The following CTNNA2 variants were observed in gnomAD, a reference collection of about 807,000 sequenced individuals.
CTNNA2 encodes catenin alpha 2.
In CTNNA2, 42 loss-of-function variants were observed where a neutral mutation model predicts 101.0. That is an observed-to-expected ratio of 0.42 (90% CI 0.32 to 0.54). CTNNA2 has a LOEUF of 0.54. CTNNA2 is among the 20% of genes least tolerant of loss of function. CTNNA2 has a pLI of 0.14. For synonymous variants in CTNNA2, 450 were observed against 456.4 expected (o/e 0.99, Z 0.18); for missense variants, 871 against 1,223.1 (o/e 0.71, Z 4.29).
intron 4 of CTNNA2, among the ~76,000 whole-genome samples, chr2:79,481,199 AC>A (rs1260482089): frequency 6.6e-6 from 1 of 152,146 alleles, no homozygotes; most frequent in Non-Finnish European, 1.5e-5. Flanking sequence ...AATCGGAAAA[AC>A]TTAGATTGGC....
intron 15 of CTNNA2, among the ~76,000 whole-genome samples, chr2:80,601,275 A>T (rs750302352): frequency 6.6e-6 from 1 of 152,126 alleles, no homozygotes; most frequent in Non-Finnish European, 1.5e-5. Flanking sequence ...TTCTGGGAAT[A>T]TCAATATTAT....
At chr2:80,104,660 A>AT (rs918401141) in intron 7 of CTNNA2, among the ~76,000 whole-genome samples, 42 of 152,326 alleles carry the variant, frequency 2.8e-4, no homozygotes, top group African/African-American at 9.9e-4. Context: ...TTGTATTAAT[A>AT]TTTTTTGAGA....
chr2:80,304,208 T>G, intron 7 of CTNNA2: 1 of 167,734 alleles, frequency 6.0e-6, no homozygotes, highest in Non-Finnish European at 1.3e-5. Flanking sequence ...GCAGGCTAAT[T>G]ATATGCAGGG....
chr2:79,432,094 A>G (rs959555724), intron 4 of CTNNA2, among the ~76,000 whole-genome samples: 2 of 152,204 alleles, frequency 1.3e-5, no homozygotes, highest in African/African-American at 2.4e-5. Context: ...TTTTGTTAAC[A>G]GCAGCCTCAA....
At chr2:79,982,656 A>G (rs769633932) in intron 7 of CTNNA2, among the ~76,000 whole-genome samples, 1 of 151,950 alleles carries the variant, frequency 6.6e-6, no homozygotes, top group African/African-American at 2.4e-5. Context: ...ACTATGTGCT[A>G]TGCCGGTGGC....
chr2:79,850,123 T>C (rs1211312579), intron 3 of CTNNA2, among the ~76,000 whole-genome samples: 1 of 150,604 alleles, frequency 6.6e-6, no homozygotes, highest in Non-Finnish European at 1.5e-5. Flanking sequence ...TGGAGAAGTG[T>C]CTTTGTTTAG....
intron 7 of CTNNA2, among the ~76,000 whole-genome samples, chr2:80,052,690 T>TACGG (rs1696953787): frequency 6.6e-6 from 1 of 152,248 alleles, no homozygotes; most frequent in African/African-American, 2.4e-5. Flanking sequence ...GTAGTGTAAC[T>TACGG]ATGAATTATC....
chr2:80,010,735 C>T (rs1213342962), intron 7 of CTNNA2, among the ~76,000 whole-genome samples: 1 of 151,758 alleles, frequency 6.6e-6, no homozygotes, highest in Non-Finnish European at 1.5e-5. Context: ...TTTCCACAAT[C>T]ACTTTTGCAC....
intron 7 of CTNNA2, among the ~76,000 whole-genome samples, chr2:80,301,158 T>A (rs1676270158): frequency 6.6e-6 from 1 of 152,174 alleles, no homozygotes; most frequent in African/African-American, 2.4e-5. Context: ...CTGCAGGCAT[T>A]CATCCTAAGG....
At chr2:79,805,394 A>G (rs1478695731) in intron 3 of CTNNA2, among the ~76,000 whole-genome samples, 1 of 152,172 alleles carries the variant, frequency 6.6e-6, no homozygotes, top group African/African-American at 2.4e-5. Context: ...GCGTGGAACA[A>G]AGTTTTGACT....
chr2:79,729,384 G>T (rs1687064747), intron 2 of CTNNA2, among the ~76,000 whole-genome samples: 2 of 152,130 alleles, frequency 1.3e-5, no homozygotes, highest in African/African-American at 4.8e-5. Context: ...CTGAGTCTCA[G>T]ATTCAATCAT....
chr2:80,096,668 T>C (rs1445160290), intron 7 of CTNNA2, among the ~76,000 whole-genome samples: 1 of 152,204 alleles, frequency 6.6e-6, no homozygotes, highest in Non-Finnish European at 1.5e-5. Context: ...ACTAAGGACT[T>C]GCTTTATGAA....
intron 2 of CTNNA2, among the ~76,000 whole-genome samples, chr2:79,700,473 T>G (rs1684930107): frequency 6.6e-6 from 1 of 151,972 alleles, no homozygotes; most frequent in Non-Finnish European, 1.5e-5. Flanking sequence ...CCATCTCCAG[T>G]CCCTTCTTCC....
intron 1 of CTNNA2, among the ~76,000 whole-genome samples, chr2:79,568,145 C>T (rs918583779): frequency 3.3e-5 from 5 of 152,108 alleles, no homozygotes; most frequent in Non-Finnish European, 7.4e-5. Flanking sequence ...TGTATCTATT[C>T]CCCAAGCAGT....
chr2:80,644,864 T>C (rs994491776), intron 18 of CTNNA2, among the ~76,000 whole-genome samples: 9 of 152,144 alleles, frequency 5.9e-5, no homozygotes, highest in Non-Finnish European at 1.3e-4. Flanking sequence ...GTGTATTAGG[T>C]TTATTTACAG....
chr2:79,741,417 T>C (rs1286687120), intron 2 of CTNNA2, among the ~76,000 whole-genome samples: 1 of 152,170 alleles, frequency 6.6e-6, no homozygotes, highest in Non-Finnish European at 1.5e-5. Context: ...ATTTACTGTG[T>C]AAATATCTCG....
At position 79,589,718 on chromosome 2, in the gene CTNNA2, C is replaced by CCG. The variant is rs200522058; in HGVS notation, c.-5-61833_-5-61832insGC. Among the ~76,000 whole-genome samples the CCG allele has an allele frequency of 3.1e-3, 177 of 57,250 alleles. 2 individuals carry two copies. The highest frequency in any genetic ancestry group is 9.1e-3 in the African/African-American group (159 of 17,488). The allele number at this position is 57,250 out of a possible 152,430, so 37.6% of individuals were successfully genotyped here. On this transcript the variant is annotated intron_variant, in intron 1 of 18. Transcript: ENST00000402739. ...CAGCATTTTCCAGATCTTTTTTTTT[C>CCG]CCCCCCCCGAGACACGAATTTACTC... is the stretch of plus-strand genomic sequence containing the variant.
chr2:79,662,927 T>G (rs1419220845), intron 2 of CTNNA2, among the ~76,000 whole-genome samples: 1 of 152,224 alleles, frequency 6.6e-6, no homozygotes, highest in Non-Finnish European at 1.5e-5. Context: ...CTTTACTGTT[T>G]CCTGGCCTAG....
At chr2:80,274,900 G>T (rs191786104) in intron 7 of CTNNA2, among the ~76,000 whole-genome samples, 9 of 152,072 alleles carry the variant, frequency 5.9e-5, no homozygotes, top group Non-Finnish European at 1.0e-4. Context: ...CCTTTGTTGC[G>T]ACTGACCTTA....
Sources: gnomAD v4.1 joint callset for allele counts (sites outside exome capture counted in the v4.1 genomes callset) on GRCh38, gnomAD v4.1.1 for gene constraint, MANE v1.5 for transcripts, NCBI Gene and HGNC (gene_info 2026-07-23, HGNC 2026-07-21) for gene names.